The following CFAP47 variants were observed in gnomAD, a reference collection of about 807,000 sequenced individuals.
The protein encoded by CFAP47 is cilia and flagella associated protein 47, also known as cilia- and flagella-associated protein 47.
A neutral mutation model predicts 148.1 loss-of-function variants in CFAP47; 29 were observed. That is an observed-to-expected ratio of 0.20 (90% CI 0.15 to 0.27). The LOEUF is 0.27. Ranked by LOEUF, CFAP47 falls within the 10% of genes least tolerant of loss-of-function variation. CFAP47 has a pLI of 1.00. For synonymous variants in CFAP47, 664 were observed against 577.3 expected (o/e 1.15, Z -2.15); for missense variants, 1,872 against 1,697.5 (o/e 1.10, Z -1.81).
chrX:36,074,174 C>T (rs1937806684), intron 29 of CFAP47, among the ~76,000 whole-genome samples: 1 of 111,674 alleles, frequency 9.0e-6, no homozygotes, highest in South Asian at 3.7e-4. Context: ...CATCTTTGTC[C>T]CTGCTGTGAG....
chrX:36,305,221 T>C (rs1192922865), intron 54 of CFAP47, among the ~76,000 whole-genome samples: 1 of 112,052 alleles, frequency 8.9e-6, no homozygotes, highest in Non-Finnish European at 1.9e-5. Flanking sequence ...GCTTTAATCT[T>C]AGAAAGCGTA....
chrX:36,319,676 A>T (rs782413401), intron 57 of CFAP47, among the ~76,000 whole-genome samples: 1 of 111,331 alleles, frequency 9.0e-6, no homozygotes, highest in Non-Finnish European at 1.9e-5. Flanking sequence ...TAGTATATTG[A>T]TAGTAATAAA....
chrX:36,316,409 G>A (rs1238890168), intron 56 of CFAP47, among the ~76,000 whole-genome samples: 3 of 112,139 alleles, frequency 2.7e-5, no homozygotes, highest in Non-Finnish European at 5.6e-5. Flanking sequence ...CATGATGTTG[G>A]TGGAGATGTT....
rs755452664 is a variant in CFAP47, at chrX:35,952,295, C to G, written c.1046+332C>G. On this transcript the variant is annotated intron_variant, in intron 6 of 63. Coordinates refer to ENST00000378653, the MANE Select transcript of CFAP47 (RefSeq NM_001304548.2). The stretch of plus-strand genomic sequence containing the variant: ...TGTTGTCCCCACGAATAGTCAGGTG[C>G]ATGCAGCATGTCGTAGGTCCCTCCA... Among the ~76,000 whole-genome samples the G allele has an allele frequency of 4.5e-5, 5 of 111,680 alleles. No homozygotes were observed. In the East Asian group the frequency reaches 1.4e-3, roughly 32 times the overall value.
rs1047891853 is a variant in CFAP47, at chrX:36,361,508, C to T, written c.9023+7C>T. ...CACCAAAGAAACCATTAAGGTAAATCTACTTTCCTCTTTTTTATTTAAACA... is the reference window on the plus strand; with the variant it reads ...CACCAAAGAAACCATTAAGGTAAATTTACTTTCCTCTTTTTTATTTAAACA... On this transcript the variant is annotated splice_region_variant and intron_variant, in intron 61 of 63. Coordinates refer to ENST00000378653, the MANE Select transcript of CFAP47 (RefSeq NM_001304548.2). 1 of 903,217 alleles carries T rather than the reference C, an allele frequency of 1.1e-6. No homozygotes were observed. The highest frequency in any genetic ancestry group is 1.5e-6 in the Non-Finnish European group (1 of 668,098). The allele number at this position is 903,217 out of a possible 1,213,427, so 74.4% of individuals were successfully genotyped here. A position where few individuals can be genotyped will look rare whatever the true frequency, so the allele number is the denominator to read the frequency against.
At chrX:36,258,054 A>C (rs1337724750) in intron 49 of CFAP47, among the ~76,000 whole-genome samples, 1 of 111,941 alleles carries the variant, frequency 8.9e-6, no homozygotes, top group Non-Finnish European at 1.9e-5. Context: ...AGCACCGAAA[A>C]GTGCTTTCTT....
chrX:36,141,875 GT>G (rs1272574230), intron 35 of CFAP47, among the ~76,000 whole-genome samples: 1 of 111,077 alleles, frequency 9.0e-6, no homozygotes, highest in Non-Finnish European at 1.9e-5. Context: ...ATACAGTTCT[GT>G]CTGGGGCTGG....
chrX:36,039,609 A>T (rs936340456), intron 25 of CFAP47, among the ~76,000 whole-genome samples: 2 of 112,113 alleles, frequency 1.8e-5, no homozygotes, highest in African/African-American at 3.2e-5. Flanking sequence ...GCAGAAGTCA[A>T]GGTGTTGGCT....
chrX:35,962,256 A>G (rs1936341708), intron 8 of CFAP47, among the ~76,000 whole-genome samples: 1 of 111,976 alleles, frequency 8.9e-6, no homozygotes, highest in Admixed American at 9.5e-5. Context: ...GAAATGTTTC[A>G]TTCAAAGTGC....
At chrX:36,166,219 G>A (rs951653759) in intron 39 of CFAP47, among the ~76,000 whole-genome samples, 3 of 109,737 alleles carry the variant, frequency 2.7e-5, no homozygotes, top group Non-Finnish European at 5.7e-5. Flanking sequence ...TTTTATTCAG[G>A]TAATTTCATT....
intron 57 of CFAP47, among the ~76,000 whole-genome samples, chrX:36,336,782 A>G (rs370636183): frequency 3.7e-4 from 41 of 111,646 alleles, no homozygotes; most frequent in African/African-American, 1.1e-3. Flanking sequence ...GAAAAATATT[A>G]TTTGAAAAAT....
rs191983575 is a variant in CFAP47, at chrX:36,026,763, A to G, written c.3557-4490A>G. ...CTGTGAACACCATTTCAATGTTAAC[A>G]AAAAACTCTGATCAAGTCCATCATT... On this transcript the variant is annotated intron_variant, in intron 22 of 63. Transcript: ENST00000378653. 2.4e-3 allele frequency among the ~76,000 whole-genome samples: 261 copies of G among 110,633 alleles called. 3 individuals carry two copies. The highest frequency in any genetic ancestry group is 8.1e-3 in the African/African-American group (246 of 30,529).
At chrX:36,069,905 A>G (rs763641715) in intron 27 of CFAP47, among the ~76,000 whole-genome samples, 28 of 112,278 alleles carry the variant, frequency 2.5e-4, no homozygotes, top group African/African-American at 7.8e-4. Flanking sequence ...ATTCTTTTAA[A>G]AAGTGAATTA....
rs144827174 is a variant in CFAP47, at chrX:35,992,135, C to T, written c.2967+192C>T. Among the ~76,000 whole-genome samples, 600 of 110,863 alleles carry T rather than the reference C, an allele frequency of 5.4e-3. 6 individuals carry two copies. Among genetic ancestry groups the T allele is most frequent in the African/African-American group, 0.019 (575 of 30,683 alleles). On this transcript the variant is annotated intron_variant, in intron 17 of 63. Coordinates refer to ENST00000378653, the MANE Select transcript of CFAP47 (RefSeq NM_001304548.2). ...TTTTCTCACTACCTTCCTTAGCCTC[C>T]CTGTTTCTTCTCTTTTCCCTTTTAT...
intron 26 of CFAP47, among the ~76,000 whole-genome samples, chrX:36,061,418 T>G (rs1937593029): frequency 8.9e-6 from 1 of 112,218 alleles, no homozygotes; most frequent in African/African-American, 3.2e-5. Flanking sequence ...GATCAAGAGA[T>G]TCTTGTGTCT....
intron 2 of CFAP47, among the ~76,000 whole-genome samples, chrX:35,927,093 T>C (rs777660416): frequency 8.4e-5 from 9 of 107,129 alleles, no homozygotes; most frequent in African/African-American, 3.1e-4. Flanking sequence ...AGGTAGAGGC[T>C]ACAGCGAGCC....
intron 19 of CFAP47, among the ~76,000 whole-genome samples, chrX:35,997,933 C>T (rs1936867826): frequency 9.0e-6 from 1 of 110,888 alleles, no homozygotes; most frequent in African/African-American, 3.3e-5. Context: ...TTGTTCATCC[C>T]AATAGGTATT....
chrX:36,231,463 G>A (rs1287083663), intron 46 of CFAP47, among the ~76,000 whole-genome samples: 2 of 109,971 alleles, frequency 1.8e-5, no homozygotes, highest in South Asian at 4.0e-4. Context: ...CATTGATTTT[G>A]TATCCTGAGA....
chrX:36,011,222 C>T (rs1003393455), intron 21 of CFAP47, among the ~76,000 whole-genome samples: 1 of 112,113 alleles, frequency 8.9e-6, no homozygotes, highest in African/African-American at 3.2e-5. Context: ...TAAACAAAAA[C>T]ACCTATCATA....
Sources: gnomAD v4.1 joint callset for allele counts (sites outside exome capture counted in the v4.1 genomes callset) on GRCh38, gnomAD v4.1.1 for gene constraint, MANE v1.5 for transcripts, NCBI Gene and HGNC (gene_info 2026-07-23, HGNC 2026-07-21) for gene names.